SRCIN1: variants seen among roughly 807,000 people sequenced by gnomAD.
The protein encoded by SRCIN1 is SRC kinase signaling inhibitor 1.
In SRCIN1, 50 loss-of-function variants were observed where a neutral mutation model predicts 116.2. The ratio of observed to expected loss-of-function variants is 0.43; its 90% CI spans 0.34 to 0.54. The LOEUF (loss-of-function observed/expected upper bound fraction) is 0.54, where lower values mean the gene tolerates loss of function less well. Among genes scored for constraint, SRCIN1 ranks in the 20% least tolerant of loss-of-function variants. The pLI is 0.02. For synonymous variants in SRCIN1, 736 were observed against 750.0 expected (o/e 0.98, Z 0.30); for missense variants, 1,446 against 1,672.0 (o/e 0.86, Z 2.36).
intron 11 of SRCIN1, among the ~76,000 whole-genome samples, chr17:38,553,840 C>A (rs1170807951): frequency 1.3e-5 from 2 of 152,168 alleles, no homozygotes; most frequent in African/African-American, 4.8e-5. Flanking sequence ...CCTCACTCTG[C>A]CCTTGCCAGA....
intron 1 of SRCIN1, among the ~76,000 whole-genome samples, chr17:38,579,294 A>G (rs1046704383): frequency 4.6e-5 from 7 of 152,188 alleles, no homozygotes; most frequent in African/African-American, 1.4e-4. Flanking sequence ...TCAGACTAGC[A>G]TATGTCCAGG....
In SRCIN1 at chr17:38,561,707, C is replaced by T. The variant is rs1906259164; in HGVS notation, c.1456G>A (p.Gly486Arg). The T allele has an allele frequency of 6.5e-7, 1 of 1,535,834 alleles. No individual in the cohort carries two copies. Among genetic ancestry groups the T allele is most frequent in the African/African-American group, 1.4e-5 (1 of 71,688 alleles). Residue 486 changes from glycine to arginine, a missense_variant, in exon 7 of 19, where the codon GGA becomes AGA. Physicochemically the swap from Gly to Arg is moderately radical, Grantham distance 125. Transcript: ENST00000617146. ...GGGCTGTGCGGTGGCGGGGGACCTCCGGGGGGTGCTGCCACGTCGGCCAGC... is the reference window on the plus strand; with the variant it reads ...GGGCTGTGCGGTGGCGGGGGACCTCTGGGGGGTGCTGCCACGTCGGCCAGC... ...QKLADVAAPP[G>R]GPPPPHSPYS...
intron 1 of SRCIN1, among the ~76,000 whole-genome samples, chr17:38,603,495 C>T (rs189810651): frequency 2.0e-4 from 31 of 152,262 alleles, no homozygotes; most frequent in Admixed American, 1.7e-3. Flanking sequence ...TTGCCTCTTC[C>T]AGATAGAGCT....
Position 38,562,080 on chromosome 17 carries a change from G to T in SRCIN1, c.1083C>A (p.Val361=). The T allele has an allele frequency of 6.9e-7, 1 of 1,457,342 alleles. No individual in the cohort carries two copies. Among genetic ancestry groups the T allele is most frequent in the Non-Finnish European group, 9.0e-7 (1 of 1,111,764 alleles). The allele number at this position is 1,457,342 out of a possible 1,614,324, so 90.3% of individuals were successfully genotyped here. ...CCAGGATGGCGCTGGGGCTGGGGCT[G>T]ACGCCCTGGGCGGCCGGGGCGCCTC... is the stretch of plus-strand genomic sequence containing the variant. ...RLGGAPAAQG[V]SPSPSAILER... is the part of the protein sequence containing the mutation. Residue 361 remains valine (V), a synonymous_variant, in exon 7 of 19, where the codon GTC becomes GTA. Transcript: ENST00000617146. This position sits in a 1 kb window ranked among gnomAD's most constrained non-coding sequence, Gnocchi z 4.2.
intron 2 of SRCIN1, chr17:38,574,889 C>G (rs1185327038): frequency 2.5e-6 from 1 of 400,680 alleles, no homozygotes. Flanking sequence ...GGCCGGCTGG[C>G]CAGCCCCGGA....
In SRCIN1 at chr17:38,569,304, T is replaced by C. The variant is rs543469335; in HGVS notation, c.325-1073A>G. 2.7e-3 allele frequency among the ~76,000 whole-genome samples: 415 copies of C among 152,324 alleles called. 1 individual carries two copies. The highest frequency in any genetic ancestry group is 3.7e-3 in the Non-Finnish European group (251 of 68,016). On this transcript the variant is annotated intron_variant, in intron 2 of 18. Transcript: ENST00000617146. ...TCTTGGCAAAGCCAAGGCACCCTGC[T>C]GACCGGTGCCAGCCTCAGCAGGGAG... is the stretch of plus-strand genomic sequence containing the variant.
chr17:38,561,900 C>A lies in SRCIN1; in HGVS notation c.1263G>T (p.Pro421=), dbSNP rs1277624352. The A allele has an allele frequency of 6.6e-6, 9 of 1,363,204 alleles. No homozygotes were observed. The East Asian group carries it at 2.8e-4, about 43-fold the overall frequency. The allele number at this position is 1,363,204 out of a possible 1,614,324, so 84.4% of individuals were successfully genotyped here. The part of the protein sequence containing the change: ...AAAAGDPFAY[P]GAGGLYKRGS... ...CGCGCTTGTAGAGGCCGCCGGCGCCCGGGTAGGCGAACGGGTCGCCGGCGG... is the reference window on the plus strand; with the variant it reads ...CGCGCTTGTAGAGGCCGCCGGCGCCAGGGTAGGCGAACGGGTCGCCGGCGG... The change falls in exon 7 of 19, where the codon CCG becomes CCT. Residue 421 remains proline (P), a synonymous_variant. Transcript: ENST00000617146.
chr17:38,601,850 G>A (rs1234697900), intron 1 of SRCIN1, among the ~76,000 whole-genome samples: 1 of 152,176 alleles, frequency 6.6e-6, no homozygotes, highest in African/African-American at 2.4e-5. Flanking sequence ...GGGAAAGGAA[G>A]GGGAGGCAGA....
chr17:38,571,947 G>A (rs1567872357), intron 2 of SRCIN1, among the ~76,000 whole-genome samples: 1 of 152,166 alleles, frequency 6.6e-6, no homozygotes, highest in Non-Finnish European at 1.5e-5. Context: ...CCTGCTGCTG[G>A]TTTTCCCCCC....
chr17:38,581,619 C>CA (rs374014678), intron 1 of SRCIN1, among the ~76,000 whole-genome samples: 16 of 152,070 alleles, frequency 1.1e-4, no homozygotes, highest in African/African-American at 3.9e-4. Flanking sequence ...AGTGAGCTAA[C>CA]AAAAACGTAT....
chr17:38,563,619 G>T lies in SRCIN1; in HGVS notation c.542-98C>A, dbSNP rs1295343777. ...TTTTCGGAGCTGCGCCAGCCCCGCA[G>T]CGGCAGGGTCTGAGGCTAGACGCCG... On this transcript the variant is annotated intron_variant, in intron 4 of 18. Transcript: ENST00000617146. The surrounding 1 kb of genome is among the most constrained non-coding windows in gnomAD (Gnocchi z 5.8). The T allele has an allele frequency of 6.8e-7, 1 of 1,476,992 alleles. No individual in the cohort carries two copies. The allele number at this position is 1,476,992 out of a possible 1,614,324, so 91.5% of individuals were successfully genotyped here. A position where few individuals can be genotyped will look rare whatever the true frequency, so the allele number is the denominator to read the frequency against.
At chr17:38,538,271 G>T (rs1363453991) in intron 18 of SRCIN1, among the ~76,000 whole-genome samples, 1 of 150,486 alleles carries the variant, frequency 6.6e-6, no homozygotes, top group Non-Finnish European at 1.5e-5. Context: ...ACAAAAATTA[G>T]CCAGGCGTGG....
Position 38,561,873 on chromosome 17 carries a change from G to A in SRCIN1, c.1290C>T (p.Gly430=), listed in dbSNP as rs1178000386. Residue 430 remains glycine, a synonymous_variant, in exon 7 of 19, where the codon GGC becomes GGT. Coordinates refer to ENST00000617146, the MANE Select transcript of SRCIN1 (RefSeq NM_025248.3). The part of the protein sequence containing the change: ...YPGAGGLYKR[G]SVRSLSTYSA... The stretch of plus-strand genomic sequence containing the variant: ...AGTAGGTGCTGAGCGAGCGCACCGA[G>A]CCGCGCTTGTAGAGGCCGCCGGCGC... 17 of 1,455,268 alleles carry A rather than the reference G, an allele frequency of 1.2e-5. No homozygotes were observed. The highest frequency in any genetic ancestry group is 1.3e-5 in the Non-Finnish European group (15 of 1,117,474). 90.1% of individuals were successfully genotyped at this position (1,455,268 alleles called of 1,614,324 possible). A position where few individuals can be genotyped will look rare whatever the true frequency, so the allele number is the denominator to read the frequency against.
chr17:38,565,767 G>A (rs1167464857), intron 3 of SRCIN1, among the ~76,000 whole-genome samples: 1 of 152,206 alleles, frequency 6.6e-6, no homozygotes, highest in Non-Finnish European at 1.5e-5. Context: ...AGGGTTTGGG[G>A]ACCATAATAG....
rs2040921324 is a variant in SRCIN1, at chr17:38,531,446, A to G, written c.*1851T>C. On this transcript the variant is annotated 3_prime_UTR_variant, in exon 19 of 19. Coordinates refer to ENST00000617146, the MANE Select transcript of SRCIN1 (RefSeq NM_025248.3). Reference sequence around the variant, plus strand: ...TATTTATATTACGTATATTATATATATAATATGTAAATATATTTTTAAAAC... The same window carrying G: ...TATTTATATTACGTATATTATATATGTAATATGTAAATATATTTTTAAAAC... 6.8e-6 allele frequency: 1 copy of G among 146,016 alleles called. No homozygotes were observed. The highest frequency in any genetic ancestry group is 1.5e-5 in the Non-Finnish European group (1 of 66,794). 9.0% of individuals were successfully genotyped at this position (146,016 alleles called of 1,614,324 possible).
rs1188511744 is a variant in SRCIN1, at chr17:38,549,225, G to C, written c.2963-15C>G. 6 of 1,503,116 alleles carry C rather than the reference G, an allele frequency of 4.0e-6. No homozygotes were observed. The African/African-American group carries it at 5.6e-5, about 14-fold the overall frequency. 93.1% of individuals were successfully genotyped at this position (1,503,116 alleles called of 1,614,324 possible). The stretch of plus-strand genomic sequence containing the variant: ...GGTCAACTCATCTGCAGGCACCAAG[G>C]GGCTGGGGGTCAGCAGGCCTGCAAC... On this transcript the variant is annotated splice_polypyrimidine_tract_variant and intron_variant, in intron 15 of 18. Transcript: ENST00000617146.
At chr17:38,589,529 T>G (rs1908328985) in intron 1 of SRCIN1, among the ~76,000 whole-genome samples, 1 of 152,128 alleles carries the variant, frequency 6.6e-6, no homozygotes, top group Admixed American at 6.5e-5. Context: ...CACAATGTCT[T>G]AAAATACAGG....
chr17:38,530,780 G>T lies in SRCIN1; in HGVS notation c.*2517C>A, dbSNP rs12600454. The stretch of plus-strand genomic sequence containing the variant: ...CATTACACATGTTCTCACACACAAA[G>T]CTCCTCTCACGCTAACATGCAGGTA... On this transcript the variant is annotated 3_prime_UTR_variant, in exon 19 of 19. Coordinates refer to ENST00000617146, the MANE Select transcript of SRCIN1 (RefSeq NM_025248.3). 12,084 of 152,324 alleles carry T rather than the reference G, an allele frequency of 0.079. 643 individuals carry two copies. The highest frequency in any genetic ancestry group is 0.19 in the East Asian group (984 of 5,160). 9.4% of individuals were successfully genotyped at this position (152,324 alleles called of 1,614,324 possible).
Position 38,531,340 on chromosome 17 carries a change from C to T in SRCIN1, c.*1957G>A, listed in dbSNP as rs942687039. On this transcript the variant is annotated 3_prime_UTR_variant, in exon 19 of 19. Coordinates refer to ENST00000617146, the MANE Select transcript of SRCIN1 (RefSeq NM_025248.3). ...AAGCCAGGCCGACGTGCCCGCCCCCCAGCCCCCCTCCCCCGCCAAAACAGT... is the reference window on the plus strand; with the variant it reads ...AAGCCAGGCCGACGTGCCCGCCCCCTAGCCCCCCTCCCCCGCCAAAACAGT... 4 of 150,386 alleles carry T rather than the reference C, an allele frequency of 2.7e-5. No individual in the cohort carries two copies. The highest frequency in any genetic ancestry group is 9.7e-5 in the African/African-American group (4 of 41,060). 9.3% of individuals were successfully genotyped at this position (150,386 alleles called of 1,614,324 possible).
Sources: gnomAD v4.1 joint callset for allele counts (sites outside exome capture counted in the v4.1 genomes callset) on GRCh38, gnomAD v4.1.1 for gene constraint, Gnocchi (gnomAD v3.1) non-coding constraint, MANE v1.5 for transcripts, NCBI Gene and HGNC (gene_info 2026-07-23, HGNC 2026-07-21) for gene names.